Variants in LRSAM1 observed in about 807,000 individuals in gnomAD.
LRSAM1 encodes E3 ubiquitin-protein ligase LRSAM1.
LRSAM1 carries 96 observed loss-of-function variants against 118.1 expected under a neutral mutation model. The ratio of observed to expected loss-of-function variants is 0.81; its 90% CI spans 0.69 to 0.96. The LOEUF is 0.96. LRSAM1 is among the 40% of genes least tolerant of loss of function. The pLI is 0.00. For missense variants in LRSAM1, 804 were observed against 915.5 expected, an observed-to-expected ratio of 0.88 and a Z score of 1.57; for synonymous variants, 322 against 364.2, an observed-to-expected ratio of 0.88 and a Z score of 1.32.
chr9:127,472,781 A>G (rs191915695), intron 10 of LRSAM1, among the ~76,000 whole-genome samples: 7 of 152,322 alleles, frequency 4.6e-5, no homozygotes, highest in Admixed American at 4.6e-4. Flanking sequence ...TACGGTTTGA[A>G]TGTCCCCTTA....
intron 21 of LRSAM1, among the ~76,000 whole-genome samples, chr9:127,494,709 C>T (rs1000742182): frequency 6.6e-6 from 1 of 152,064 alleles, no homozygotes; most frequent in Non-Finnish European, 1.5e-5. Context: ...TTTGGGAGGC[C>T]GAGGTGGGCA....
chr9:127,467,374 C>T lies in LRSAM1; in HGVS notation c.529-366C>T, dbSNP rs550713792. Among the ~76,000 whole-genome samples the T allele has an allele frequency of 2.4e-3, 372 of 152,286 alleles. 3 individuals carry two copies. Among genetic ancestry groups the T allele is most frequent in the African/African-American group, 8.6e-3 (357 of 41,556 alleles). On this transcript the variant is annotated intron_variant, in intron 9 of 25. Transcript: ENST00000300417. Reference sequence around the variant, plus strand: ...CCCCAGGAGCTGCTGGTGCAGCTCACCTCAATATCTTATCAGTAAGTGCAT... The same window carrying T: ...CCCCAGGAGCTGCTGGTGCAGCTCATCTCAATATCTTATCAGTAAGTGCAT...
In LRSAM1 at chr9:127,485,825, G is replaced by A. The variant is rs767439257; in HGVS notation, c.1249G>A (p.Ala417Thr). Residue 417 changes from alanine (A) to threonine (T), a missense_variant, in exon 17 of 26, where the codon GCC becomes ACC. Physicochemically the swap from Ala to Thr is moderately conservative, Grantham distance 58. Coordinates refer to ENST00000300417, the MANE Select transcript of LRSAM1 (RefSeq NM_001005373.4). The part of the protein sequence containing the change: ...ESQRQNLVQQ[A>T]CSSMAEMDER... The stretch of plus-strand genomic sequence containing the variant: ...TCAGAGGCAGAACTTGGTCCAGCAG[G>A]CCTGTTCCAGGTAAGGTAAGGAAGA... The A allele has an allele frequency of 1.2e-6, 2 of 1,614,128 alleles. No homozygotes were observed. The highest frequency in any genetic ancestry group is 1.7e-6 in the Non-Finnish European group (2 of 1,179,998).
intron 5 of LRSAM1, 70 bp downstream of exon 5, chr9:127,455,690 T>C: frequency 6.8e-7 from 1 of 1,464,882 alleles, no homozygotes; most frequent in Non-Finnish European, 9.6e-7. Context: ...CAAGGGACTT[T>C]GAGGAGCTGT....
At chr9:127,495,198 C>T in intron 21 of LRSAM1, 122 bp from the exon 22 acceptor site, 1 of 807,520 alleles carries the variant, frequency 1.2e-6, no homozygotes. Flanking sequence ...GGTGATCTGC[C>T]CACCTTGGCC....
chr9:127,476,439 G>A (rs992345731), intron 11 of LRSAM1, among the ~76,000 whole-genome samples: 6 of 152,048 alleles, frequency 3.9e-5, no homozygotes, highest in South Asian at 2.1e-4. Flanking sequence ...TCCCAGCTAC[G>A]AGGGAGGCTA....
chr9:127,499,055 C>CAA (rs112522307), intron 24 of LRSAM1, among the ~76,000 whole-genome samples: 51,203 of 133,890 alleles, frequency 0.38, 11,005 homozygotes, highest in Non-Finnish European at 0.51. Flanking sequence ...AACTCTGTCT[C>CAA]AAAAAAAAAA....
chr9:127,492,877 G>T lies in LRSAM1; in HGVS notation c.1579G>T (p.Glu527Ter), dbSNP rs1200589823. ...QLLKEKQQRE[E>*]ELREILTELE... is the part of the protein sequence containing the mutation. ...GCTCAAAGAGAAGCAGCAGCGAGAG[G>T]AAGAGCTCCGGGAAATCCTGGTATG... Residue 527 changes from glutamate (E) to a stop codon, truncating the protein, a stop_gained, in exon 21 of 26, where the codon GAA becomes TAA. Transcript: ENST00000300417. LOFTEE classifies it high-confidence loss of function. The T allele has an allele frequency of 1.2e-6, 2 of 1,613,944 alleles. No individual in the cohort carries two copies. Among genetic ancestry groups the T allele is most frequent in the African/African-American group, 1.3e-5 (1 of 74,950 alleles).
At chr9:127,482,885 C>T in intron 15 of LRSAM1, 65 bp from the exon 16 acceptor site, 1 of 1,460,172 alleles carries the variant, frequency 6.8e-7, no homozygotes, top group Non-Finnish European at 9.4e-7. Flanking sequence ...AGGTGGTGTT[C>T]ATCTGCTGGG....
chr9:127,503,307 G>A lies in LRSAM1; in HGVS notation c.*408G>A. ...ATGTGGGAAGGGAGCAGGAGGGCCT[G>A]GCTGGGTGAGGGGAGGCCTTCCTGG... On this transcript the variant is annotated 3_prime_UTR_variant, in exon 26 of 26. Coordinates refer to ENST00000300417, the MANE Select transcript of LRSAM1 (RefSeq NM_001005373.4). 3.6e-6 allele frequency: 1 copy of A among 276,056 alleles called. No individual in the cohort carries two copies. Among genetic ancestry groups the A allele is most frequent in the Non-Finnish European group, 7.2e-6 (1 of 139,840 alleles). 17.1% of individuals were successfully genotyped at this position (276,056 alleles called of 1,614,324 possible).
intron 24 of LRSAM1, 35 bp downstream of exon 24, chr9:127,497,369 C>A: frequency 6.3e-7 from 1 of 1,590,778 alleles, no homozygotes; most frequent in Non-Finnish European, 8.6e-7. Context: ...CCAGGCAGGG[C>A]TCCAGCCGTA....
At chr9:127,485,135 C>T (rs970772331) in intron 16 of LRSAM1, among the ~76,000 whole-genome samples, 3 of 152,098 alleles carry the variant, frequency 2.0e-5, no homozygotes, top group African/African-American at 4.8e-5. Context: ...TTCCTAAATG[C>T]ATAAAAACTG....
At chr9:127,454,702 G>T (rs1418976961) in intron 3 of LRSAM1, 103 bp downstream of exon 3, 11 of 1,207,238 alleles carry the variant, frequency 9.1e-6, no homozygotes, top group Non-Finnish European at 1.3e-5. Context: ...CTTCCCATCT[G>T]CCTCCCCCAC....
intron 19 of LRSAM1, among the ~76,000 whole-genome samples, chr9:127,490,660 G>A (rs1835901123): frequency 6.6e-6 from 1 of 152,154 alleles, no homozygotes; most frequent in South Asian, 2.1e-4. Flanking sequence ...TCTATAAAAT[G>A]GAGGCAATAA....
chr9:127,489,420 G>A (rs367847130), intron 18 of LRSAM1, 24 bp from the exon 19 acceptor site: 53 of 1,597,398 alleles, frequency 3.3e-5, no homozygotes, highest in Middle Eastern at 3.3e-4. Flanking sequence ...GGCCCCTGCT[G>A]AGGGCTGGTG....
At position 127,457,317 on chromosome 9, in the gene LRSAM1, T is replaced by A; in HGVS notation, c.176T>A (p.Val59Glu). The part of the protein sequence containing the change: ...FATCKVLQKK[V>E]LIVHTNHLTS... The stretch of plus-strand genomic sequence containing the variant: ...ATGGCCGCACATCTCTCCACACAGG[T>A]GCTGATCGTCCACACGAATCACCTC... Residue 59 changes from valine (V) to glutamate (E), a missense_variant and splice_region_variant, in exon 6 of 26, where the codon GTG (valine) becomes GAG (glutamate). Physicochemically the swap from Val to Glu is moderately radical, Grantham distance 121 (BLOSUM62 -2). Transcript: ENST00000300417. 1 of 1,614,106 alleles carries A rather than the reference T, an allele frequency of 6.2e-7. No individual in the cohort carries two copies. The highest frequency in any genetic ancestry group is 8.5e-7 in the Non-Finnish European group (1 of 1,180,042).
intron 16 of LRSAM1, 112 bp downstream of exon 16, chr9:127,483,132 G>C (rs1033855983): frequency 1.0e-5 from 10 of 973,762 alleles, no homozygotes; most frequent in Admixed American, 2.0e-5. Flanking sequence ...GTTAGCCCTC[G>C]AGAGGGGCAG....
chr9:127,480,335 G>T (rs1003107889), intron 14 of LRSAM1, among the ~76,000 whole-genome samples: 1 of 152,196 alleles, frequency 6.6e-6, no homozygotes, highest in African/African-American at 2.4e-5. Flanking sequence ...TTGCACTGAG[G>T]TCAGCTGTTC....
Position 127,473,768 on chromosome 9 carries a change from C to T in LRSAM1, c.620-33C>T, listed in dbSNP as rs748852615. The T allele has an allele frequency of 3.1e-6, 5 of 1,613,996 alleles. No homozygotes were observed. The South Asian group carries it at 5.5e-5, about 18-fold the overall frequency. ...CTCTGGGTACCTCAGCTGTCTCCTC[C>T]CTCCTGGTCAGCTTGTGTCCCGTCT... On this transcript the variant is annotated intron_variant, in intron 10 of 25. Coordinates refer to ENST00000300417, the MANE Select transcript of LRSAM1 (RefSeq NM_001005373.4).
Sources: allele counts gnomAD v4.1 joint callset (sites outside exome capture counted in the v4.1 genomes callset), GRCh38; gene constraint gnomAD v4.1.1; transcripts MANE v1.5; gene names NCBI Gene and HGNC (gene_info 2026-07-23, HGNC 2026-07-21).